ITGB3: variants seen among roughly 807,000 people sequenced by gnomAD.
The protein encoded by ITGB3 is integrin beta-3.
In ITGB3, 48 loss-of-function variants were observed where a neutral mutation model predicts 85.8. That is an observed-to-expected ratio of 0.56 (90% CI 0.44 to 0.71). ITGB3 has a LOEUF of 0.71. Among genes scored for constraint, ITGB3 ranks in the 30% least tolerant of loss-of-function variants. The pLI is 0.00. For missense variants in ITGB3, 861 were observed against 1,019.1 expected, an observed-to-expected ratio of 0.84 and a Z score of 2.11; for synonymous variants, 363 against 395.6, an observed-to-expected ratio of 0.92 and a Z score of 0.98.
rs1051181826 is a variant in ITGB3, at chr17:47,299,723, C to T, written c.1913+193C>T. Among the ~76,000 whole-genome samples the T allele has an allele frequency of 6.6e-6, 1 of 152,218 alleles. No individual in the cohort carries two copies. Among genetic ancestry groups the T allele is most frequent in the African/African-American group, 2.4e-5 (1 of 41,458 alleles). On this transcript the variant is annotated intron_variant, in intron 11 of 14. Transcript: ENST00000559488. The surrounding 1 kb of genome is among the most constrained non-coding windows in gnomAD (Gnocchi z 5.1). The stretch of plus-strand genomic sequence containing the variant: ...TGGAATAGAGCCAACTGTGAAGGAG[C>T]CAAAGTTGAACGAGCTGGACTTCGA...
intron 2 of ITGB3, among the ~76,000 whole-genome samples, chr17:47,280,700 C>T (rs1040545117): frequency 6.6e-6 from 1 of 152,054 alleles, no homozygotes; most frequent in East Asian, 1.9e-4. Flanking sequence ...GTGGCCCAGT[C>T]CCTCTTCTGG....
At chr17:47,307,678 G>A in intron 14 of ITGB3, 41 bp downstream of exon 14, 1 of 1,594,574 alleles carries the variant, frequency 6.3e-7, no homozygotes, top group South Asian at 1.1e-5. Flanking sequence ...TCATTGGTCT[G>A]AGACTCTTAA....
chr17:47,254,797 C>T (rs561510731), intron 1 of ITGB3, among the ~76,000 whole-genome samples: 4 of 152,336 alleles, frequency 2.6e-5, no homozygotes, highest in Admixed American at 2.6e-4. Flanking sequence ...GTGGTCCTCT[C>T]TGAGTCCTTG....
chr17:47,306,855 GT>G (rs1397160507), intron 13 of ITGB3, among the ~76,000 whole-genome samples: 2 of 151,424 alleles, frequency 1.3e-5, no homozygotes, highest in African/African-American at 4.9e-5. Context: ...AATTTTTGTA[GT>G]TTTAGTAGAG....
At chr17:47,256,479 C>G (rs1047807958) in intron 1 of ITGB3, among the ~76,000 whole-genome samples, 2 of 151,624 alleles carry the variant, frequency 1.3e-5, no homozygotes, top group Non-Finnish European at 2.9e-5. Context: ...TAATACCCCC[C>G]CCCCCAACCT....
intron 5 of ITGB3, 52 bp downstream of exon 5, chr17:47,286,474 G>A: frequency 6.2e-7 from 1 of 1,605,924 alleles, no homozygotes; most frequent in Non-Finnish European, 8.5e-7. Flanking sequence ...GATCAAAATG[G>A]GAAAGGAAGT....
At position 47,312,381 on chromosome 17, in the gene ITGB3, G is replaced by T. The variant is rs552626443; in HGVS notation, c.*2177G>T. The stretch of plus-strand genomic sequence containing the variant: ...GGATTACTCCTTACTGTAGGGAATG[G>T]CAGTATGGTAGAGGGATAAATAGGG... On this transcript the variant is annotated 3_prime_UTR_variant, in exon 15 of 15. Coordinates refer to ENST00000559488, the MANE Select transcript of ITGB3 (RefSeq NM_000212.3). Among the ~76,000 whole-genome samples the T allele has an allele frequency of 3.3e-5, 5 of 152,270 alleles. No homozygotes were observed. Among genetic ancestry groups the T allele is most frequent in the Admixed American group, 3.3e-4 (5 of 15,296 alleles).
intron 9 of ITGB3, 71 bp from the exon 10 acceptor site, chr17:47,292,068 T>C: frequency 6.4e-7 from 1 of 1,553,870 alleles, no homozygotes; most frequent in Non-Finnish European, 8.9e-7. Flanking sequence ...GGAACAACTT[T>C]TTTTTTCCTC....
intron 1 of ITGB3, among the ~76,000 whole-genome samples, chr17:47,272,056 A>AT (rs58156465): frequency 0.18 from 18,361 of 103,286 alleles, 1,695 homozygotes; most frequent in Middle Eastern, 0.39. Flanking sequence ...CACCGGGGCT[A>AT]TTTTTTTTTT....
intron 11 of ITGB3, 140 bp from the exon 12 acceptor site, chr17:47,300,338 C>CAGGCGCGT (rs1555573405): frequency 1.5e-6 from 1 of 664,078 alleles, no homozygotes; most frequent in South Asian, 1.6e-5. Context: ...CTTACAGGCG[C>CAGGCGCGT]GCGCGCGCGT....
intron 6 of ITGB3, among the ~76,000 whole-genome samples, chr17:47,289,125 C>A (rs1009279184): frequency 3.3e-5 from 5 of 152,102 alleles, no homozygotes; most frequent in Admixed American, 6.5e-5. Flanking sequence ...GAGGGCCAGG[C>A]CAAGGCATTT....
chr17:47,286,444 T>C (rs775339180), intron 5 of ITGB3, 22 bp downstream of exon 5: 2 of 1,613,780 alleles, frequency 1.2e-6, no homozygotes, highest in Non-Finnish European at 1.7e-6. Context: ...GGACTTGGAG[T>C]GCCAGGTGTG....
In ITGB3 at chr17:47,274,444, T is replaced by C; in HGVS notation, c.105T>C (p.Gly35=). ...VGGPNICTTR[G]VSSCQQCLAV... ...GGCCCAACATCTGTACCACGCGAGG[T>C]GTGAGCTCCTGCCAGCAGTGCCTGG... The change falls in exon 2 of 15, where the codon GGT becomes GGC. Residue 35 remains glycine (G), a synonymous_variant. Coordinates refer to ENST00000559488, the MANE Select transcript of ITGB3 (RefSeq NM_000212.3). 5 of 1,613,594 alleles carry C rather than the reference T, an allele frequency of 3.1e-6. No homozygotes were observed. The highest frequency in any genetic ancestry group is 1.1e-5 in the South Asian group (1 of 91,080).
chr17:47,291,851 C>A (rs1473948861), intron 9 of ITGB3, among the ~76,000 whole-genome samples: 4 of 152,180 alleles, frequency 2.6e-5, no homozygotes, highest in African/African-American at 9.7e-5. Flanking sequence ...TCAGTTTGAG[C>A]TGGTCTATTT....
At chr17:47,264,377 A>G (rs1466423602) in intron 1 of ITGB3, among the ~76,000 whole-genome samples, 1 of 152,216 alleles carries the variant, frequency 6.6e-6, no homozygotes. Context: ...GATGGAACGT[A>G]TCTAGAGTCT....
intron 1 of ITGB3, among the ~76,000 whole-genome samples, chr17:47,264,477 CTT>C (rs2065019048): frequency 6.6e-6 from 1 of 152,230 alleles, no homozygotes; most frequent in Non-Finnish European, 1.5e-5. Context: ...TAATAAGTCT[CTT>C]TCCTTTTTGC....
At chr17:47,262,039 A>G (rs1804771895) in intron 1 of ITGB3, among the ~76,000 whole-genome samples, 1 of 152,198 alleles carries the variant, frequency 6.6e-6, no homozygotes, top group African/African-American at 2.4e-5. Context: ...TTCATTTATT[A>G]TGCACCTTTG....
At chr17:47,307,747 A>G in intron 14 of ITGB3, 110 bp downstream of exon 14, 3 of 1,067,926 alleles carry the variant, frequency 2.8e-6, no homozygotes, top group Non-Finnish European at 4.3e-6. Context: ...TCTTTCCATT[A>G]TCCTCTGTTC....
chr17:47,257,018 C>T (rs1455059761), intron 1 of ITGB3, among the ~76,000 whole-genome samples: 1 of 152,166 alleles, frequency 6.6e-6, no homozygotes, highest in Admixed American at 6.5e-5. Flanking sequence ...AAATAAGTTA[C>T]CTAATCTCTT....
Sources: allele counts gnomAD v4.1 joint callset (sites outside exome capture counted in the v4.1 genomes callset), GRCh38; gene constraint gnomAD v4.1.1; non-coding constraint Gnocchi (gnomAD v3.1); transcripts MANE v1.5; gene names NCBI Gene and HGNC (gene_info 2026-07-23, HGNC 2026-07-21).